CLIP2: variants seen among roughly 807,000 people sequenced by gnomAD.
CLIP2 encodes the protein CAP-Gly domain containing linker protein 2, also known as CAP-Gly domain-containing linker protein 2.
CLIP2 carries 41 observed loss-of-function variants against 111.7 expected under a neutral mutation model. The ratio of observed to expected loss-of-function variants is 0.37; its 90% CI spans 0.29 to 0.48. The LOEUF is 0.48. CLIP2 is among the 20% of genes least tolerant of loss of function. CLIP2 has a pLI of 0.99. For missense variants in CLIP2, 1,160 were observed against 1,422.1 expected (o/e 0.82, Z 2.96); for synonymous variants, 660 against 644.2 (o/e 1.02, Z -0.37).
intron 11 of CLIP2, 70 bp from the exon 12 acceptor site, chr7:74,386,451 G>C: frequency 1.6e-6 from 2 of 1,285,216 alleles, no homozygotes; most frequent in South Asian, 1.3e-5. Flanking sequence ...CTGTGGGAGG[G>C]CCATGGCCCT....
chr7:74,306,256 G>C (rs548925448), intron 1 of CLIP2, among the ~76,000 whole-genome samples: 33 of 152,162 alleles, frequency 2.2e-4, no homozygotes, highest in African/African-American at 7.9e-4. Context: ...CCTACCTCTG[G>C]GGCCTGATTG....
At chr7:74,334,976 T>A (rs1767630419) in intron 2 of CLIP2, among the ~76,000 whole-genome samples, 1 of 151,614 alleles carries the variant, frequency 6.6e-6, no homozygotes, top group African/African-American at 2.4e-5. Context: ...GACTCCAGCC[T>A]GGGCAACAGA....
chr7:74,378,085 C>T (rs1554313316), intron 10 of CLIP2, among the ~76,000 whole-genome samples: 1 of 151,986 alleles, frequency 6.6e-6, no homozygotes, highest in Non-Finnish European at 1.5e-5. Context: ...CTCGGCCTCC[C>T]AAAGTGCTGG....
chr7:74,370,472 CTAATT>C (rs1431858213), intron 8 of CLIP2, among the ~76,000 whole-genome samples: 2 of 150,280 alleles, frequency 1.3e-5, no homozygotes, highest in Admixed American at 1.3e-4. Flanking sequence ...AAAAAAAAAA[CTAATT>C]TAAAAATAAA....
chr7:74,369,728 T>C (rs1246112163), intron 8 of CLIP2, among the ~76,000 whole-genome samples: 4 of 132,360 alleles, frequency 3.0e-5, no homozygotes. Flanking sequence ...ATAGTGGTGC[T>C]TGCCTGTAAT....
intron 3 of CLIP2, among the ~76,000 whole-genome samples, chr7:74,341,566 C>T (rs1284743064): frequency 6.6e-6 from 1 of 151,806 alleles, no homozygotes; most frequent in Non-Finnish European, 1.5e-5. Context: ...CTGCCCTGCC[C>T]TGGCCATGGT....
At chr7:74,383,080 CAAAAAA>C (rs556644763) in intron 11 of CLIP2, among the ~76,000 whole-genome samples, 1 of 61,232 alleles carries the variant, frequency 1.6e-5, no homozygotes, top group Admixed American at 1.8e-4. Flanking sequence ...ACCCTGTCAC[CAAAAAA>C]AAAAAAAAAA....
intron 2 of CLIP2, among the ~76,000 whole-genome samples, chr7:74,335,083 A>C (rs1789410607): frequency 6.6e-6 from 1 of 152,012 alleles, no homozygotes; most frequent in Admixed American, 6.6e-5. Context: ...CTCTGTTTCC[A>C]AATCTGCAAG....
chr7:74,368,608 A>G (rs1790521979), intron 8 of CLIP2, among the ~76,000 whole-genome samples: 1 of 152,122 alleles, frequency 6.6e-6, no homozygotes, highest in Non-Finnish European at 1.5e-5. Flanking sequence ...CTCCAAAATC[A>G]TGCACATCCG....
chr7:74,374,370 C>T (rs536725149), intron 9 of CLIP2, among the ~76,000 whole-genome samples: 13 of 152,278 alleles, frequency 8.5e-5, no homozygotes, highest in African/African-American at 3.1e-4. Context: ...GGCGGACCGG[C>T]CGGAGCCCTC....
chr7:74,350,450 C>T (rs1413506253), intron 3 of CLIP2, among the ~76,000 whole-genome samples: 3 of 152,058 alleles, frequency 2.0e-5, no homozygotes, highest in African/African-American at 4.8e-5. Flanking sequence ...TCAAGTGATC[C>T]TCCTGCCTCA....
chr7:74,386,254 G>A (rs1483978897), intron 11 of CLIP2: 5 of 293,324 alleles, frequency 1.7e-5, no homozygotes, highest in African/African-American at 1.2e-4. Flanking sequence ...CACCATGTTT[G>A]TCTTGAACCC....
intron 2 of CLIP2, among the ~76,000 whole-genome samples, chr7:74,332,012 G>T (rs1191938324): frequency 6.6e-6 from 1 of 152,108 alleles, no homozygotes; most frequent in Admixed American, 6.6e-5. Context: ...TGTGGTGGGT[G>T]GGGGGCACCA....
intron 8 of CLIP2, among the ~76,000 whole-genome samples, chr7:74,371,440 G>A (rs2116643547): frequency 6.6e-6 from 1 of 151,494 alleles, no homozygotes; most frequent in Non-Finnish European, 1.5e-5. Context: ...AGGGGTGGCT[G>A]GGATGGAGCT....
At chr7:74,302,866 G>A (rs1554727040) in intron 1 of CLIP2, among the ~76,000 whole-genome samples, 1 of 152,230 alleles carries the variant, frequency 6.6e-6, no homozygotes, top group African/African-American at 2.4e-5. Flanking sequence ...TATCTGGATG[G>A]CCGCCAGGCC....
In CLIP2 at chr7:74,376,457, C is replaced by G. The variant is rs202013043; in HGVS notation, c.2056C>G (p.Arg686Gly). ...AMHVKEKEAL[R>G]EKLQEAQEEL... ...GCACGTGAAGGAGAAGGAGGCCCTG[C>G]GAGAGAAGCTGCAGGAGGCCCAGGA... The change falls in exon 10 of 17, where the codon CGA becomes GGA. Residue 686 changes from arginine (R) to glycine (G), a missense_variant. Physicochemically the swap from Arg to Gly is moderately radical, Grantham distance 125. Transcript: ENST00000223398. This position sits in a 1 kb window ranked among gnomAD's most constrained non-coding sequence, Gnocchi z 7.1. 4 of 1,613,744 alleles carry G rather than the reference C, an allele frequency of 2.5e-6. No homozygotes were observed. Among genetic ancestry groups the G allele is most frequent in the Middle Eastern group, 1.7e-4 (1 of 6,016 alleles).
intron 13 of CLIP2, among the ~76,000 whole-genome samples, chr7:74,394,400 G>A (rs1315002241): frequency 2.6e-5 from 4 of 151,782 alleles, no homozygotes; most frequent in Non-Finnish European, 4.4e-5. Context: ...ACAGGCATGC[G>A]CCACCATGCC....
At chr7:74,326,642 T>TTC (rs1297917404) in intron 2 of CLIP2, among the ~76,000 whole-genome samples, 1 of 151,846 alleles carries the variant, frequency 6.6e-6, no homozygotes, top group African/African-American at 2.4e-5. Context: ...CAGAGCATTT[T>TTC]TTTTTTTTTT....
At chr7:74,391,047 CA>C (rs1202946350) in intron 13 of CLIP2, among the ~76,000 whole-genome samples, 21 of 146,340 alleles carry the variant, frequency 1.4e-4, no homozygotes, top group Admixed American at 2.1e-4. Context: ...GAAACTCCAT[CA>C]AAAAAAAAAG....
Sources: gnomAD v4.1 joint callset for allele counts (sites outside exome capture counted in the v4.1 genomes callset) on GRCh38, gnomAD v4.1.1 for gene constraint, Gnocchi (gnomAD v3.1) non-coding constraint, MANE v1.5 for transcripts, NCBI Gene and HGNC (gene_info 2026-07-23, HGNC 2026-07-21) for gene names.